CHD7: variants seen among roughly 807,000 people sequenced by gnomAD.
The protein encoded by CHD7 is ATP-dependent chromatin remodeler CHD7.
In CHD7, 24 loss-of-function variants were observed where a neutral mutation model predicts 307.3. The observed-to-expected ratio is 0.08, with a 90% CI of 0.06 to 0.11. CHD7 has a LOEUF of 0.11. CHD7 is among the 10% of genes least tolerant of loss of function. The pLI is 1.00. For missense variants in CHD7, 3,106 were observed against 3,727.1 expected (o/e 0.83, Z 4.34); for synonymous variants, 1,363 against 1,349.9 (o/e 1.01, Z -0.21).
At position 60,853,285 on chromosome 8, in the gene CHD7, G is replaced by A. The variant is rs1273458526; in HGVS notation, c.6560G>A (p.Cys2187Tyr). The change falls in exon 31 of 38, where the codon TGT (cysteine) becomes TAT (tyrosine). Residue 2187 changes from cysteine to tyrosine, a missense_variant. This residue lies in a region of CHD7 where 1,030 missense variants were observed against 1,165.4 expected (regional missense o/e 0.88). Coordinates refer to ENST00000423902, the MANE Select transcript of CHD7 (RefSeq NM_017780.4). Reference sequence around the variant, plus strand: ...GAAAACCCAGCTGCCAAGGAGAAATGTGAGGGCAAAGAAGAGGAAGAAGAA... The same window carrying A: ...GAAAACCCAGCTGCCAAGGAGAAATATGAGGGCAAAGAAGAGGAAGAAGAA... ...EPENPAAKEK[C>Y]EGKEEEEETD... 3 of 1,611,436 alleles carry A rather than the reference G, an allele frequency of 1.9e-6. No individual in the cohort carries two copies. Among genetic ancestry groups the A allele is most frequent in the East Asian group, 4.5e-5 (2 of 44,826 alleles).
chr8:60,755,728 C>T (rs1809858748), intron 2 of CHD7, among the ~76,000 whole-genome samples: 1 of 151,948 alleles, frequency 6.6e-6, no homozygotes, highest in Non-Finnish European at 1.5e-5. Context: ...GAATTTTATA[C>T]TATAGAGTGG....
chr8:60,728,589 G>T (rs890823633), intron 1 of CHD7, among the ~76,000 whole-genome samples: 1 of 152,110 alleles, frequency 6.6e-6, no homozygotes, highest in Non-Finnish European at 1.5e-5. Flanking sequence ...GCAATGGCGC[G>T]ATCTCGGCTC....
intron 1 of CHD7, among the ~76,000 whole-genome samples, chr8:60,690,845 G>T (rs747514734): frequency 6.6e-6 from 1 of 152,204 alleles, no homozygotes; most frequent in Non-Finnish European, 1.5e-5. Context: ...CTAGCAGAAT[G>T]GTTGACAGTC....
At position 60,816,155 on chromosome 8, in the gene CHD7, G is replaced by C. The variant is rs1327185847; in HGVS notation, c.2499-232G>C. On this transcript the variant is annotated intron_variant, in intron 7 of 37. Transcript: ENST00000423902. ...TCTCTCTCTCTCTCTCTCTCTCTCTGTAACAGGTAAGAGAGCTGGAGGCTT... is the reference window on the plus strand; with the variant it reads ...TCTCTCTCTCTCTCTCTCTCTCTCTCTAACAGGTAAGAGAGCTGGAGGCTT... Among the ~76,000 whole-genome samples, 3 of 118,070 alleles carry C rather than the reference G, an allele frequency of 2.5e-5. No homozygotes were observed. The highest frequency in any genetic ancestry group is 2.4e-4 in the South Asian group (1 of 4,128). 77.5% of individuals were successfully genotyped at this position (118,070 alleles called of 152,430 possible).
At chr8:60,807,618 G>C (rs1394692148) in intron 6 of CHD7, among the ~76,000 whole-genome samples, 1 of 152,174 alleles carries the variant, frequency 6.6e-6, no homozygotes, top group Non-Finnish European at 1.5e-5. Context: ...ATGTGTGTGA[G>C]ACATCTTGTC....
intron 4 of CHD7, among the ~76,000 whole-genome samples, chr8:60,795,930 G>T (rs908848634): frequency 1.3e-5 from 2 of 152,198 alleles, no homozygotes; most frequent in African/African-American, 4.8e-5. Context: ...TTGTCCTGGA[G>T]TAGGAAGCCA....
chr8:60,738,047 T>C (rs1180347298), intron 1 of CHD7, among the ~76,000 whole-genome samples: 1 of 152,272 alleles, frequency 6.6e-6, no homozygotes, highest in Non-Finnish European at 1.5e-5. Context: ...CTTGAATGTT[T>C]ATTACCCAGG....
intron 26 of CHD7, 129 bp downstream of exon 26, chr8:60,850,751 C>T (rs1256000830): frequency 3.2e-6 from 3 of 934,654 alleles, no homozygotes; most frequent in Non-Finnish European, 5.0e-6. Context: ...GTTTACCAGT[C>T]TACTCTATTT....
intron 2 of CHD7, among the ~76,000 whole-genome samples, chr8:60,763,075 G>A (rs542585515): frequency 6.6e-6 from 1 of 152,216 alleles, no homozygotes; most frequent in African/African-American, 2.4e-5. Context: ...TGGGCAGGTC[G>A]GTCCAGTGAG....
In CHD7 at chr8:60,722,148, T is replaced by C. The variant is rs568294188; in HGVS notation, c.-174-19111T>C. Among the ~76,000 whole-genome samples, 9 of 152,342 alleles carry C rather than the reference T, an allele frequency of 5.9e-5. No homozygotes were observed. In the East Asian group the frequency reaches 1.7e-3, roughly 29 times the overall value. On this transcript the variant is annotated intron_variant, in intron 1 of 37. Transcript: ENST00000423902. ...TTGGTCTTTACCCACTTCTTTTCTCTGCAATCCCCACAGCAACTTCTCTTA... is the reference window on the plus strand; with the variant it reads ...TTGGTCTTTACCCACTTCTTTTCTCCGCAATCCCCACAGCAACTTCTCTTA...
At chr8:60,787,565 C>CT (rs977716091) in intron 3 of CHD7, among the ~76,000 whole-genome samples, 6 of 151,608 alleles carry the variant, frequency 4.0e-5, no homozygotes, top group African/African-American at 1.2e-4. Flanking sequence ...AAAAAAGGCA[C>CT]TTTTTTTAAG....
At chr8:60,782,892 C>T (rs1811322782) in intron 3 of CHD7, among the ~76,000 whole-genome samples, 1 of 152,044 alleles carries the variant, frequency 6.6e-6, no homozygotes, top group Non-Finnish European at 1.5e-5. Context: ...TAAGTATATG[C>T]TTTTGGTAGG....
intron 15 of CHD7, among the ~76,000 whole-genome samples, chr8:60,834,221 G>T (rs965934677): frequency 6.6e-6 from 1 of 152,014 alleles, no homozygotes; most frequent in Non-Finnish European, 1.5e-5. Flanking sequence ...TTATTTTGTC[G>T]AAATGATTAT....
At chr8:60,715,266 C>T (rs1263949647) in intron 1 of CHD7, among the ~76,000 whole-genome samples, 1 of 151,620 alleles carries the variant, frequency 6.6e-6, no homozygotes, top group Non-Finnish European at 1.5e-5. Flanking sequence ...TTGTATGTAT[C>T]CCTCATAGAA....
intron 8 of CHD7, among the ~76,000 whole-genome samples, chr8:60,818,956 A>G (rs773648124): frequency 1.3e-5 from 2 of 152,156 alleles, no homozygotes; most frequent in African/African-American, 2.4e-5. Context: ...GGCTTAGTCT[A>G]TAACTCTTTT....
At chr8:60,715,086 G>T (rs1227286752) in intron 1 of CHD7, among the ~76,000 whole-genome samples, 2 of 152,234 alleles carry the variant, frequency 1.3e-5, no homozygotes, top group Non-Finnish European at 1.5e-5. Flanking sequence ...TGAGAAATGT[G>T]ATTGGAGAAA....
chr8:60,687,934 T>C (rs899835005), intron 1 of CHD7, among the ~76,000 whole-genome samples: 1 of 152,220 alleles, frequency 6.6e-6, no homozygotes, highest in Admixed American at 6.5e-5. Flanking sequence ...GGAGCTTGCA[T>C]TGTTGCCGTC....
At chr8:60,824,042 C>T (rs993614549) in intron 13 of CHD7, 26 bp downstream of exon 13, 7 of 1,596,982 alleles carry the variant, frequency 4.4e-6, no homozygotes, top group Non-Finnish European at 6.0e-6. Flanking sequence ...GGTGATTGCA[C>T]TGAACCTGAA....
intron 1 of CHD7, among the ~76,000 whole-genome samples, chr8:60,704,335 G>A (rs1336404533): frequency 1.3e-5 from 2 of 151,916 alleles, no homozygotes; most frequent in African/African-American, 4.8e-5. Context: ...ACACAAACCT[G>A]TGTAAGTACA....
Sources: gnomAD v4.1 joint callset for allele counts (sites outside exome capture counted in the v4.1 genomes callset) on GRCh38, gnomAD v4.1.1 for gene constraint, gnomAD v4.1.1 regional missense constraint, MANE v1.5 for transcripts, NCBI Gene and HGNC (gene_info 2026-07-23, HGNC 2026-07-21) for gene names.